PTPRK: variants seen among roughly 807,000 people sequenced by gnomAD.
PTPRK encodes the protein receptor-type tyrosine-protein phosphatase kappa.
Under a neutral mutation model 178.0 loss-of-function variants are expected in PTPRK, and 75 were observed. The ratio of observed to expected loss-of-function variants is 0.42; its 90% confidence interval spans 0.35 to 0.51. The LOEUF (loss-of-function observed/expected upper bound fraction) is 0.51. PTPRK is among the 20% of genes least tolerant of loss of function. The pLI is 0.02. For missense variants in PTPRK, 1,441 were observed against 1,797.8 expected, an observed-to-expected ratio of 0.80 and a Z score of 3.59; for synonymous variants, 637 against 620.6, an observed-to-expected ratio of 1.03 and a Z score of -0.39.
intron 14 of PTPRK, chr6:128,006,184 T>G (rs1778394431): frequency 1.5e-6 from 1 of 684,524 alleles, no homozygotes; most frequent in East Asian, 3.4e-5. Context: ...AATTCATGTT[T>G]TTTTTGCTTT....
At chr6:128,060,288 C>T (rs907185447) in intron 13 of PTPRK, among the ~76,000 whole-genome samples, 4 of 152,142 alleles carry the variant, frequency 2.6e-5, no homozygotes, top group Admixed American at 2.6e-4. Flanking sequence ...GCTATTATTT[C>T]TACTTTGACT....
intron 1 of PTPRK, among the ~76,000 whole-genome samples, chr6:128,402,801 A>C (rs1189038858): frequency 6.6e-6 from 1 of 152,236 alleles, no homozygotes; most frequent in African/African-American, 2.4e-5. Context: ...AAATGGTTTT[A>C]AGGGCATATT....
chr6:128,500,902 G>A (rs368070083), intron 1 of PTPRK: 17 of 151,900 alleles, frequency 1.1e-4, no homozygotes, highest in African/African-American at 4.1e-4. Context: ...CTGCCTCCCA[G>A]GTAGGCTGGG....
intron 1 of PTPRK, among the ~76,000 whole-genome samples, chr6:128,464,632 T>TAC (rs1562576078): frequency 3.7e-5 from 2 of 53,702 alleles, no homozygotes; most frequent in African/African-American, 2.5e-4. Context: ...TATATATATA[T>TAC]ATACACATAT....
At chr6:128,461,468 C>T (rs1045950910) in intron 1 of PTPRK, among the ~76,000 whole-genome samples, 81 of 152,244 alleles carry the variant, frequency 5.3e-4, no homozygotes, top group African/African-American at 1.9e-3. Context: ...AAAGTTCCAG[C>T]ACACATTGAC....
intron 5 of PTPRK, among the ~76,000 whole-genome samples, chr6:128,226,681 A>C (rs1811352554): frequency 1.3e-5 from 2 of 151,314 alleles, no homozygotes; most frequent in South Asian, 2.1e-4. Flanking sequence ...CTGCACAAGC[A>C]CATAAACCAA....
chr6:128,481,995 T>C (rs759295140), intron 1 of PTPRK, among the ~76,000 whole-genome samples: 3 of 152,112 alleles, frequency 2.0e-5, no homozygotes, highest in Non-Finnish European at 4.4e-5. Context: ...AAATATGCTA[T>C]CCCAAAAATA....
At chr6:128,212,992 AATTATATG>A (rs1488886411) in intron 6 of PTPRK, among the ~76,000 whole-genome samples, 2 of 152,050 alleles carry the variant, frequency 1.3e-5, no homozygotes, top group Non-Finnish European at 2.9e-5. Flanking sequence ...GAGTTTCAGT[AATTATATG>A]AAGTCCCAGT....
chr6:128,265,819 A>G (rs1818855101), intron 3 of PTPRK, among the ~76,000 whole-genome samples: 1 of 152,160 alleles, frequency 6.6e-6, no homozygotes, highest in Non-Finnish European at 1.5e-5. Flanking sequence ...GTTTGACTCC[A>G]AAATTCTTAT....
chr6:128,380,165 C>T (rs1049917060), intron 2 of PTPRK, among the ~76,000 whole-genome samples: 1 of 151,926 alleles, frequency 6.6e-6, no homozygotes, highest in Non-Finnish European at 1.5e-5. Flanking sequence ...ACAGAAAAAA[C>T]CTACAGATAT....
intron 13 of PTPRK, among the ~76,000 whole-genome samples, chr6:128,027,197 C>T (rs1341195131): frequency 3.3e-5 from 5 of 152,134 alleles, no homozygotes; most frequent in Non-Finnish European, 4.4e-5. Flanking sequence ...AGTAAAAATA[C>T]TTCCTCATTA....
chr6:128,307,422 G>A lies in PTPRK; in HGVS notation c.495+14617C>T, dbSNP rs868593736. Among the ~76,000 whole-genome samples, 11 of 148,056 alleles carry A rather than the reference G, an allele frequency of 7.4e-5. No homozygotes were observed. In the Middle Eastern group the frequency reaches 0.01, roughly 138 times the overall value. On this transcript the variant is annotated intron_variant, in intron 3 of 29. Transcript: ENST00000368226. ...AATTAAATAACCTCAGTGCTGGGAA[G>A]AGCTTCTTAACAAAGTCATTCCTTT...
At chr6:128,261,459 T>C (rs1003635253) in intron 3 of PTPRK, among the ~76,000 whole-genome samples, 5 of 152,206 alleles carry the variant, frequency 3.3e-5, no homozygotes, top group Non-Finnish European at 5.9e-5. Context: ...AATTTCTTTA[T>C]GAAATCCATT....
At chr6:128,374,203 C>T (rs1836694855) in intron 2 of PTPRK, among the ~76,000 whole-genome samples, 1 of 152,112 alleles carries the variant, frequency 6.6e-6, no homozygotes, top group South Asian at 2.1e-4. Flanking sequence ...TGCTTAGTTT[C>T]CTTTGTACAT....
At chr6:128,227,787 A>T (rs1045572790) in intron 5 of PTPRK, among the ~76,000 whole-genome samples, 1 of 152,226 alleles carries the variant, frequency 6.6e-6, no homozygotes, top group Non-Finnish European at 1.5e-5. Context: ...GATTCATGAG[A>T]TGAAACAATA....
chr6:128,202,020 A>T (rs562973569), intron 6 of PTPRK, among the ~76,000 whole-genome samples: 4 of 152,308 alleles, frequency 2.6e-5, no homozygotes, highest in South Asian at 2.1e-4. Context: ...ATGAGTATGG[A>T]AAGTGAAGAA....
In PTPRK at chr6:128,516,590, T is replaced by A. The variant is rs150812290; in HGVS notation, c.100+3669A>T. Among the ~76,000 whole-genome samples the A allele has an allele frequency of 1.2e-3, 184 of 152,288 alleles. 2 individuals carry two copies. Among genetic ancestry groups the A allele is most frequent in the African/African-American group, 4.1e-3 (170 of 41,564 alleles). On this transcript the variant is annotated intron_variant, in intron 1 of 29. Transcript: ENST00000368226. ...AAGTATAAGAGAAATTAATCTCACC[T>A]AAAGAGACAACAAGGAGTCAGATAC... is the stretch of plus-strand genomic sequence containing the variant.
At chr6:128,154,521 C>A (rs563308006) in intron 7 of PTPRK, among the ~76,000 whole-genome samples, 8 of 151,466 alleles carry the variant, frequency 5.3e-5, no homozygotes, top group Non-Finnish European at 5.9e-5. Context: ...TAAACAACAA[C>A]AAAAAAATCA....
rs1313920711 is a variant in PTPRK at position 128,499,653 on chromosome 6, T to C, written c.100+20606A>G. ...TATAGCAAACATTGTATGAGAGAAGTATAGTAACTTTCCCATATTTTTGGC... is the reference window on the plus strand; with the variant it reads ...TATAGCAAACATTGTATGAGAGAAGCATAGTAACTTTCCCATATTTTTGGC... On this transcript the variant is annotated intron_variant, in intron 1 of 29. Coordinates refer to ENST00000368226, the MANE Select transcript of PTPRK (RefSeq NM_002844.4). Among the ~76,000 whole-genome samples, 3 of 152,312 alleles carry C rather than the reference T, an allele frequency of 2.0e-5. No individual in the cohort carries two copies. In the East Asian group the frequency reaches 5.8e-4, roughly 29 times the overall value.
Sources: gnomAD v4.1 joint callset for allele counts (sites outside exome capture counted in the v4.1 genomes callset) on GRCh38, gnomAD v4.1.1 for gene constraint, MANE v1.5 for transcripts, NCBI Gene and HGNC (gene_info 2026-07-23, HGNC 2026-07-21) for gene names.